The following SLAMF1 variants were observed in gnomAD, a reference collection of about 807,000 sequenced individuals.
SLAMF1 encodes signaling lymphocytic activation molecule family member 1.
In SLAMF1, 18 loss-of-function variants were observed where a neutral mutation model predicts 35.1. That is an observed-to-expected ratio of 0.51 (90% CI 0.35 to 0.76). SLAMF1 has a LOEUF of 0.76. Ranked by LOEUF, SLAMF1 falls within the 30% of genes least tolerant of loss-of-function variation. The pLI is 0.01. For synonymous variants in SLAMF1, 168 were observed against 157.2 expected (o/e 1.07, Z -0.51); for missense variants, 392 against 413.0 (o/e 0.95, Z 0.44).
intron 3 of SLAMF1, among the ~76,000 whole-genome samples, chr1:160,625,354 G>A (rs1659822537): frequency 6.6e-6 from 1 of 152,180 alleles, no homozygotes; most frequent in Non-Finnish European, 1.5e-5. Flanking sequence ...AATTTGTGGG[G>A]CAGAAATTGA....
chr1:160,625,824 AGTGTGTGT>A (rs3223445), intron 3 of SLAMF1, among the ~76,000 whole-genome samples: 5 of 145,276 alleles, frequency 3.4e-5, no homozygotes, highest in African/African-American at 5.2e-5. Flanking sequence ...TCTGTGCAGG[AGTGTGTGT>A]GTGTGTGTGT....
In SLAMF1 at chr1:160,644,844, C is replaced by T. The variant is rs371132932; in HGVS notation, c.76+2026G>A. On this transcript the variant is annotated intron_variant, in intron 1 of 6. Coordinates refer to ENST00000302035, the MANE Select transcript of SLAMF1 (RefSeq NM_003037.5). The stretch of plus-strand genomic sequence containing the variant: ...AAGGTTAGGCCAAGTCTAGAACCCA[C>T]GCACTTGTCCCTCACCTTCCCCCAA... Among the ~76,000 whole-genome samples the T allele has an allele frequency of 4.0e-4, 61 of 152,246 alleles. No homozygotes were observed. In the East Asian group the frequency reaches 4.2e-3, roughly 11 times the overall value.
rs1436820220 is a variant in SLAMF1 at position 160,642,497 on chromosome 1, A to G, written c.76+4373T>C. Among the ~76,000 whole-genome samples the G allele has an allele frequency of 6.6e-6, 1 of 152,194 alleles. No homozygotes were observed. The highest frequency in any genetic ancestry group is 1.9e-4 in the East Asian group (1 of 5,196). On this transcript the variant is annotated intron_variant, in intron 1 of 6. Coordinates refer to ENST00000302035, the MANE Select transcript of SLAMF1 (RefSeq NM_003037.5). This position sits in a 1 kb window ranked among gnomAD's most constrained non-coding sequence, Gnocchi z 4.2. ...TCAATGCCTGTAATCCCCCACTCTT[A>G]TAAGCTTCCAAGAGTAGGGACTGTG...
intron 1 of SLAMF1, among the ~76,000 whole-genome samples, chr1:160,643,844 A>C (rs906076855): frequency 6.6e-6 from 1 of 152,224 alleles, no homozygotes; most frequent in Non-Finnish European, 1.5e-5. Context: ...TGATCTATCA[A>C]ACACGAAGAC....
rs1317613257 is a variant in SLAMF1 at position 160,619,959 on chromosome 1, A to G, written c.791-110T>C. On this transcript the variant is annotated intron_variant, in intron 4 of 6. Coordinates refer to ENST00000302035, the MANE Select transcript of SLAMF1 (RefSeq NM_003037.5). ...CATACCCACTTTCCCCAAGGGCACA[A>G]TGGAAACAAAGCCCTGAGTCCCAGC... The G allele has an allele frequency of 5.3e-6, 4 of 756,526 alleles. No individual in the cohort carries two copies. The Admixed American group carries it at 6.1e-5, about 11-fold the overall frequency. The allele number at this position is 756,526 out of a possible 1,614,324, so 46.9% of individuals were successfully genotyped here.
intron 3 of SLAMF1, among the ~76,000 whole-genome samples, chr1:160,627,523 A>C (rs551281892): frequency 1.3e-5 from 2 of 152,294 alleles, no homozygotes; most frequent in African/African-American, 4.8e-5. Context: ...CTTATGGCTT[A>C]GTTTCCCTAC....
At chr1:160,626,177 T>G (rs1229843106) in intron 3 of SLAMF1, among the ~76,000 whole-genome samples, 1 of 152,074 alleles carries the variant, frequency 6.6e-6, no homozygotes, top group African/African-American at 2.4e-5. Context: ...ATTAAAAAAA[T>G]AAAACCAACA....
chr1:160,614,338 G>A (rs960890473), intron 5 of SLAMF1, among the ~76,000 whole-genome samples: 3 of 152,220 alleles, frequency 2.0e-5, no homozygotes, highest in African/African-American at 7.2e-5. Context: ...CACTTTGGGA[G>A]GCTGAGGTGG....
chr1:160,640,325 C>CAT (rs56785818), intron 1 of SLAMF1, among the ~76,000 whole-genome samples: 5,765 of 93,874 alleles, frequency 0.061, 189 homozygotes, highest in East Asian at 0.087. Flanking sequence ...TTAGGTTTGT[C>CAT]ATATATATAT....
At chr1:160,645,407 G>T (rs916921305) in intron 1 of SLAMF1, among the ~76,000 whole-genome samples, 1 of 152,238 alleles carries the variant, frequency 6.6e-6, no homozygotes, top group Non-Finnish European at 1.5e-5. Flanking sequence ...CCTCCGATTG[G>T]ATAGACTTGC....
At chr1:160,635,830 C>T (rs751360803) in intron 2 of SLAMF1, among the ~76,000 whole-genome samples, 6 of 151,868 alleles carry the variant, frequency 4.0e-5, no homozygotes, top group Admixed American at 6.6e-5. Context: ...CCGCCCGCCT[C>T]GGCCTCCCAA....
chr1:160,633,076 A>G (rs530011765), intron 3 of SLAMF1, among the ~76,000 whole-genome samples: 51 of 152,296 alleles, frequency 3.3e-4, no homozygotes, highest in South Asian at 1.0e-3. Context: ...TCTCAGAGGG[A>G]TTGAGGCACT....
At chr1:160,634,512 T>A in intron 3 of SLAMF1, 101 bp downstream of exon 3, 1 of 1,429,206 alleles carries the variant, frequency 7.0e-7, no homozygotes, top group Non-Finnish European at 9.5e-7. Context: ...TGTAAAGTAT[T>A]GTTACTAAGG....
intron 5 of SLAMF1, among the ~76,000 whole-genome samples, chr1:160,616,677 C>T (rs1008482131): frequency 3.3e-5 from 5 of 152,094 alleles, no homozygotes; most frequent in Admixed American, 3.3e-4. Context: ...AAGACTAAAC[C>T]TCAAAGGGAA....
At chr1:160,614,301 C>G (rs567218299) in intron 5 of SLAMF1, among the ~76,000 whole-genome samples, 1 of 152,116 alleles carries the variant, frequency 6.6e-6, no homozygotes, top group Non-Finnish European at 1.5e-5. Context: ...TTTGGCCGGG[C>G]GTGGTGGCTC....
At chr1:160,631,654 C>T (rs1285452855) in intron 3 of SLAMF1, among the ~76,000 whole-genome samples, 2 of 151,958 alleles carry the variant, frequency 1.3e-5, no homozygotes, top group Non-Finnish European at 1.5e-5. Flanking sequence ...CACAAAGAGA[C>T]ACCAGGAAAG....
At chr1:160,646,322 G>T (rs1661037445) in intron 1 of SLAMF1, among the ~76,000 whole-genome samples, 2 of 152,144 alleles carry the variant, frequency 1.3e-5, no homozygotes, top group South Asian at 2.1e-4. Context: ...ACACCAGTAT[G>T]ACCGCACTGT....
chr1:160,629,283 T>C (rs1480236513), intron 3 of SLAMF1, among the ~76,000 whole-genome samples: 2 of 148,536 alleles, frequency 1.3e-5, no homozygotes, highest in African/African-American at 5.0e-5. Flanking sequence ...GAAAGTGTTG[T>C]CACAGAAACA....
intron 5 of SLAMF1, among the ~76,000 whole-genome samples, chr1:160,615,035 C>A (rs956722772): frequency 2.6e-5 from 4 of 151,948 alleles, no homozygotes; most frequent in Admixed American, 2.6e-4. Context: ...ACAGTAAACA[C>A]TTGTTTAGTG....
Sources: gnomAD v4.1 joint callset for allele counts (sites outside exome capture counted in the v4.1 genomes callset) on GRCh38, gnomAD v4.1.1 for gene constraint, Gnocchi (gnomAD v3.1) non-coding constraint, MANE v1.5 for transcripts, NCBI Gene and HGNC (gene_info 2026-07-23, HGNC 2026-07-21) for gene names.